Variants in PUDP observed in about 807,000 individuals in gnomAD.
PUDP encodes pseudouridine-5'-phosphatase.
Under a neutral mutation model 9.4 loss-of-function variants are expected in PUDP, and 8 were observed. The observed-to-expected ratio is 0.85, with a 90% confidence interval of 0.50 to 1.53. The LOEUF is 1.53. Among genes scored for constraint, PUDP ranks in the 40% most tolerant of loss-of-function variants. PUDP has a pLI of 0.00. For missense variants in PUDP, 188 were observed against 189.7 expected, an observed-to-expected ratio of 0.99 and a Z score of 0.05; for synonymous variants, 99 against 80.7, an observed-to-expected ratio of 1.23 and a Z score of -1.22.
At chrX:6,808,439 A>G (rs988603244) in intron 3 of PUDP, among the ~76,000 whole-genome samples, 1 of 112,151 alleles carries the variant, frequency 8.9e-6, no homozygotes, top group Middle Eastern at 4.2e-3. Context: ...TGTAAATTTT[A>G]TTCTGTGGTT....
At chrX:6,826,631 AAAAG>A (rs1188910794) in intron 3 of PUDP, among the ~76,000 whole-genome samples, 1 of 112,458 alleles carries the variant, frequency 8.9e-6, no homozygotes, top group Non-Finnish European at 1.9e-5. Flanking sequence ...ACGTAGCAAA[AAAAG>A]AAGAAGAAAA....
At position 7,050,130 on chromosome X, in the gene PUDP, C is replaced by T; in HGVS notation, c.*166G>A. 2.2e-6 allele frequency: 1 copy of T among 448,448 alleles called. No homozygotes were observed. The highest frequency in any genetic ancestry group is 3.7e-6 in the Non-Finnish European group (1 of 270,994). The allele number at this position is 448,448 out of a possible 1,213,427, so 37.0% of individuals were successfully genotyped here. On this transcript the variant is annotated 3_prime_UTR_variant, in exon 4 of 4. Coordinates refer to ENST00000381077, the MANE Select transcript of PUDP (RefSeq NM_012080.5). ...TCTCAACCGTCAAGTCACATTTTAT[C>T]AACACGTTAGACTGGGACAAACCAA...
chrX:7,120,506 C>A (rs1212120767), intron 1 of PUDP, among the ~76,000 whole-genome samples: 1 of 112,022 alleles, frequency 8.9e-6, no homozygotes, highest in Non-Finnish European at 1.9e-5. Context: ...AACTGTAAGA[C>A]AATACATTTG....
At chrX:6,800,741 C>T (rs1460230413) in intron 3 of PUDP, among the ~76,000 whole-genome samples, 2 of 111,648 alleles carry the variant, frequency 1.8e-5, no homozygotes, top group Admixed American at 1.9e-4. Flanking sequence ...TGTCACTGAT[C>T]GATATTCACA....
intron 3 of PUDP, among the ~76,000 whole-genome samples, chrX:6,908,254 T>C (rs1206769034): frequency 8.9e-6 from 1 of 112,553 alleles, no homozygotes; most frequent in Non-Finnish European, 1.9e-5. Context: ...ACATATCACG[T>C]ACTATTCTGT....
intron 3 of PUDP, among the ~76,000 whole-genome samples, chrX:6,833,692 C>T (rs993425461): frequency 1.6e-4 from 18 of 112,225 alleles, no homozygotes; most frequent in African/African-American, 5.8e-4. Context: ...GGTCTTTGAA[C>T]TCACTCATCA....
chrX:7,026,137 T>C (rs12844335), intron 1 of PUDP, among the ~76,000 whole-genome samples: 2 of 112,076 alleles, frequency 1.8e-5, no homozygotes, highest in Non-Finnish European at 3.8e-5. Flanking sequence ...ATGTGTATTG[T>C]TTCTCTTTAT....
At chrX:6,885,073 C>A (rs773664950) in intron 3 of PUDP, among the ~76,000 whole-genome samples, 30 of 112,254 alleles carry the variant, frequency 2.7e-4, no homozygotes, top group Non-Finnish European at 5.4e-4. Context: ...CAGTGCAGAA[C>A]ATCTGTGCCT....
At chrX:6,916,411 G>GT (rs371625779) in intron 3 of PUDP, among the ~76,000 whole-genome samples, 3,668 of 94,946 alleles carry the variant, frequency 0.039, 146 homozygotes, top group African/African-American at 0.12. Flanking sequence ...TGCATCCCCA[G>GT]TTTTTTTTTT....
At chrX:6,994,092 C>T (rs59249078) in intron 1 of PUDP, among the ~76,000 whole-genome samples, 3,605 of 112,112 alleles carry the variant, frequency 0.032, 152 homozygotes, top group African/African-American at 0.11. Context: ...TGTTTCCAGA[C>T]CAAAGCAATG....
chrX:6,805,667 G>A (rs1926038550), intron 3 of PUDP, among the ~76,000 whole-genome samples: 1 of 108,926 alleles, frequency 9.2e-6, no homozygotes. Context: ...CCATAAGTGT[G>A]CACAACTACA....
chrX:6,839,741 C>A (rs1353249013), intron 3 of PUDP, among the ~76,000 whole-genome samples: 2 of 111,410 alleles, frequency 1.8e-5, no homozygotes, highest in East Asian at 5.6e-4. Context: ...TGTGGAGCAA[C>A]AGGAATGCTT....
intron 1 of PUDP, among the ~76,000 whole-genome samples, chrX:7,024,452 T>C (rs1929677800): frequency 9.0e-6 from 1 of 111,431 alleles, no homozygotes; most frequent in Admixed American, 9.6e-5. Flanking sequence ...TCACATTGTT[T>C]TTTTGTTTTT....
intron 2 of PUDP, among the ~76,000 whole-genome samples, chrX:7,096,657 C>G (rs1931581154): frequency 9.0e-6 from 1 of 110,768 alleles, no homozygotes; most frequent in Non-Finnish European, 1.9e-5. Context: ...TATCAAGACT[C>G]TGTCTCTACA....
At chrX:6,894,143 G>A (rs1927554323) in intron 3 of PUDP, among the ~76,000 whole-genome samples, 1 of 110,982 alleles carries the variant, frequency 9.0e-6, no homozygotes, top group Non-Finnish European at 1.9e-5. Context: ...ATAGCTAAGG[G>A]ATGCTGGGCT....
chrX:6,947,795 TAAATAAA>T, intron 3 of PUDP, among the ~76,000 whole-genome samples: 1 of 108,534 alleles, frequency 9.2e-6, no homozygotes, highest in East Asian at 2.9e-4. Context: ...AATAAATAAA[TAAATAAA>T]TAAATAAATA....
chrX:7,060,925 G>A (rs1277834287), intron 3 of PUDP, among the ~76,000 whole-genome samples: 1 of 111,814 alleles, frequency 8.9e-6, no homozygotes, highest in Non-Finnish European at 1.9e-5. Flanking sequence ...ACAAAATGGC[G>A]CCCAGGGCAC....
intron 3 of PUDP, among the ~76,000 whole-genome samples, chrX:6,908,178 G>C (rs1346629596): frequency 8.9e-6 from 1 of 112,850 alleles, no homozygotes; most frequent in Non-Finnish European, 1.9e-5. Flanking sequence ...AGAGAGAGCT[G>C]ACACACTGCA....
intron 1 of PUDP, among the ~76,000 whole-genome samples, chrX:7,115,385 G>T (rs893254789): frequency 8.9e-6 from 1 of 112,005 alleles, no homozygotes; most frequent in Non-Finnish European, 1.9e-5. Context: ...CTTTTACATC[G>T]CTATATATAT....
Sources: allele counts gnomAD v4.1 joint callset (sites outside exome capture counted in the v4.1 genomes callset), GRCh38; gene constraint gnomAD v4.1.1; transcripts MANE v1.5; gene names NCBI Gene and HGNC (gene_info 2026-07-23, HGNC 2026-07-21).